The following PREX1 variants were observed in gnomAD, a reference collection of about 807,000 sequenced individuals.
PREX1 encodes phosphatidylinositol 3,4,5-trisphosphate-dependent Rac exchanger 1 protein.
PREX1 carries 41 observed loss-of-function variants against 198.3 expected under a neutral mutation model. The observed-to-expected ratio is 0.21, with a 90% CI of 0.16 to 0.27. The LOEUF (loss-of-function observed/expected upper bound fraction) is 0.27, where lower values mean the gene tolerates loss of function less well. Among genes scored for constraint, PREX1 ranks in the 10% least tolerant of loss-of-function variants. PREX1 has a pLI of 1.00. For synonymous variants in PREX1, 843 were observed against 887.2 expected, an observed-to-expected ratio of 0.95 and a Z score of 0.89; for missense variants, 1,620 against 2,200.7, an observed-to-expected ratio of 0.74 and a Z score of 5.28.
chr20:48,644,577 C>T (rs1480010820), intron 26 of PREX1, 80 bp from the exon 27 acceptor site: 3 of 1,284,708 alleles, frequency 2.3e-6, no homozygotes, highest in African/African-American at 2.9e-5. Flanking sequence ...CCACTTTCTA[C>T]AGTGTAGACA....
chr20:48,822,338 C>CAGGAT (rs1309014104), intron 1 of PREX1, among the ~76,000 whole-genome samples: 3 of 152,210 alleles, frequency 2.0e-5, no homozygotes, highest in Admixed American at 2.0e-4. Flanking sequence ...TGGTGCAATT[C>CAGGAT]AGGATAGTGG....
At chr20:48,822,403 A>G (rs1426485675) in intron 1 of PREX1, among the ~76,000 whole-genome samples, 1 of 152,194 alleles carries the variant, frequency 6.6e-6, no homozygotes, top group Non-Finnish European at 1.5e-5. Flanking sequence ...CAGTTCTGTC[A>G]GGCTGTGTGA....
chr20:48,726,408 G>GA lies in PREX1; in HGVS notation c.520-18dup. ...CATGCAGCTCTGCAAAGGGACAGGA[G>GA]ACCTTCATGAAACCCACCAAGGATA... On this transcript the variant is annotated splice_polypyrimidine_tract_variant and intron_variant, in intron 4 of 39. Transcript: ENST00000371941. 6.3e-7 allele frequency: 1 copy of GA among 1,596,856 alleles called. No homozygotes were observed. The highest frequency in any genetic ancestry group is 1.7e-4 in the Middle Eastern group (1 of 6,030).
At chr20:48,718,572 C>T (rs1397484126) in intron 5 of PREX1, among the ~76,000 whole-genome samples, 1 of 151,966 alleles carries the variant, frequency 6.6e-6, no homozygotes, top group East Asian at 1.9e-4. Flanking sequence ...TATAAGTGGA[C>T]GAAACGCTCC....
rs1389656920 is a variant in PREX1 at position 48,649,558 on chromosome 20, G to A, written c.3047C>T (p.Ser1016Leu). The change falls in exon 25 of 40, where the codon TCG (serine) becomes TTG (leucine). Residue 1016 changes from serine (S) to leucine (L), a missense_variant. This residue lies in a region of PREX1 where 514 missense variants were observed against 611.6 expected (regional missense o/e 0.84). Transcript: ENST00000371941. ...GGTGGTGATGCAGTGCTGGGTGTAC[G>A]ACATGGGGTTCAGGTGGCCTGCAGT... ...DPEQGHLNPM[S>L]YTQHCITTMA... 1.9e-5 allele frequency: 30 copies of A among 1,601,922 alleles called. No individual in the cohort carries two copies. The highest frequency in any genetic ancestry group is 1.6e-4 in the Middle Eastern group (1 of 6,062).
intron 33 of PREX1, among the ~76,000 whole-genome samples, chr20:48,633,767 C>T (rs1005040475): frequency 3.3e-5 from 5 of 152,194 alleles, no homozygotes; most frequent in Admixed American, 2.0e-4. Context: ...CCCCACAAAC[C>T]GATCAGAATC....
intron 1 of PREX1, among the ~76,000 whole-genome samples, chr20:48,803,563 C>T (rs2090397146): frequency 6.6e-6 from 1 of 152,188 alleles, no homozygotes; most frequent in African/African-American, 2.4e-5. Flanking sequence ...CCCAATTCCA[C>T]TTCCCAACCA....
chr20:48,850,801 A>G, the PREX1 span, among the ~76,000 whole-genome samples: 1 of 151,824 alleles, frequency 6.6e-6, no homozygotes, highest in African/African-American at 2.4e-5. Flanking sequence ...GCACCTGCCA[A>G]CCTCCCTGCC....
intron 14 of PREX1, among the ~76,000 whole-genome samples, chr20:48,667,290 T>A (rs1397366843): frequency 6.6e-6 from 1 of 152,212 alleles, no homozygotes; most frequent in Non-Finnish European, 1.5e-5. Context: ...CAAACCCTAA[T>A]TTGGCTCAGC....
At chr20:48,851,550 C>T in the PREX1 span, among the ~76,000 whole-genome samples, 1 of 152,070 alleles carries the variant, frequency 6.6e-6, no homozygotes, top group South Asian at 2.1e-4. Context: ...TAAATCTCTA[C>T]TTGAGATGAA....
chr20:48,884,990 G>A, the PREX1 span, among the ~76,000 whole-genome samples: 2 of 152,076 alleles, frequency 1.3e-5, no homozygotes, highest in Non-Finnish European at 2.9e-5. Context: ...CACCTGTGTT[G>A]GACCCCCAGG....
chr20:48,855,526 T>C, the PREX1 span, among the ~76,000 whole-genome samples: 1 of 152,286 alleles, frequency 6.6e-6, no homozygotes, highest in East Asian at 1.9e-4. Flanking sequence ...TGTTAGGCAC[T>C]GGGGACACAG....
intron 14 of PREX1, among the ~76,000 whole-genome samples, chr20:48,667,598 G>A (rs1016702805): frequency 5.9e-5 from 9 of 152,238 alleles, no homozygotes; most frequent in South Asian, 2.1e-4. Flanking sequence ...GTAAGCCACT[G>A]TTCAGTTGGG....
At chr20:48,727,066 TTATGGAGAGCATG>T (rs1197275042) in intron 4 of PREX1, among the ~76,000 whole-genome samples, 4 of 152,178 alleles carry the variant, frequency 2.6e-5, no homozygotes, top group Admixed American at 6.5e-5. Flanking sequence ...TATGCGCTGT[TTATGGAGAGCATG>T]TATGAGGTCA....
chr20:48,778,827 T>C (rs544509342), intron 1 of PREX1, among the ~76,000 whole-genome samples: 56 of 152,338 alleles, frequency 3.7e-4, no homozygotes, highest in African/African-American at 1.3e-3. Context: ...TGCAAATTAA[T>C]GAACCTCAAC....
chr20:48,817,200 G>C (rs968170913), intron 1 of PREX1, among the ~76,000 whole-genome samples: 2 of 152,176 alleles, frequency 1.3e-5, no homozygotes, highest in Non-Finnish European at 2.9e-5. Flanking sequence ...TCTTCGGAGG[G>C]ATTGCTTGGA....
chr20:48,769,852 G>C (rs141881966), intron 1 of PREX1, among the ~76,000 whole-genome samples: 5 of 152,288 alleles, frequency 3.3e-5, no homozygotes, highest in Admixed American at 6.5e-5. Flanking sequence ...CTTACCACCT[G>C]AGAACACTAC....
intron 4 of PREX1, among the ~76,000 whole-genome samples, chr20:48,727,636 C>T (rs1035267991): frequency 1.5e-4 from 23 of 152,174 alleles, no homozygotes; most frequent in Non-Finnish European, 1.6e-4. Context: ...TCTTTTACTC[C>T]AAGACCATCC....
intron 3 of PREX1, among the ~76,000 whole-genome samples, chr20:48,737,381 T>A (rs2090061651): frequency 6.6e-6 from 1 of 152,110 alleles, no homozygotes; most frequent in East Asian, 1.9e-4. Context: ...TGCACTGTCC[T>A]TCTCCCCTGA....
Sources: gnomAD v4.1 joint callset for allele counts (sites outside exome capture counted in the v4.1 genomes callset) on GRCh38, gnomAD v4.1.1 for gene constraint, gnomAD v4.1.1 regional missense constraint, MANE v1.5 for transcripts, NCBI Gene and HGNC (gene_info 2026-07-23, HGNC 2026-07-21) for gene names.